Variants in RPS6KB1 observed in about 807,000 individuals in gnomAD.
RPS6KB1 encodes ribosomal protein S6 kinase B1, also known as ribosomal protein S6 kinase beta-1.
A neutral mutation model predicts 70.2 loss-of-function variants in RPS6KB1; 12 were observed. The observed-to-expected ratio is 0.17, with a 90% CI of 0.11 to 0.28. RPS6KB1 has a LOEUF of 0.28. RPS6KB1 is among the 10% of genes least tolerant of loss of function. RPS6KB1 has a pLI of 1.00. For synonymous variants in RPS6KB1, 175 were observed against 211.2 expected (o/e 0.83, Z 1.49); for missense variants, 270 against 646.6 (o/e 0.42, Z 6.32).
intron 1 of RPS6KB1, among the ~76,000 whole-genome samples, chr17:59,905,359 A>G (rs2042203999): frequency 1.3e-5 from 2 of 151,998 alleles, no homozygotes; most frequent in African/African-American, 2.4e-5. Context: ...AAGGTTTTAC[A>G]TTTTCAGTAA....
intron 10 of RPS6KB1, among the ~76,000 whole-genome samples, chr17:59,935,501 G>T (rs1007203412): frequency 1.5e-4 from 22 of 151,546 alleles, no homozygotes; most frequent in Admixed American, 7.9e-4. Flanking sequence ...TTGAGACAGG[G>T]TCTTGCCCTG....
intron 13 of RPS6KB1, among the ~76,000 whole-genome samples, chr17:59,943,713 CT>C (rs2044747907): frequency 6.6e-6 from 1 of 151,638 alleles, no homozygotes; most frequent in South Asian, 2.1e-4. Context: ...CCCATCTCTA[CT>C]AAAAATACAA....
At chr17:59,927,896 A>G (rs2043708686) in intron 5 of RPS6KB1, among the ~76,000 whole-genome samples, 1 of 151,098 alleles carries the variant, frequency 6.6e-6, no homozygotes, top group South Asian at 2.1e-4. Context: ...TCAGTGGCTC[A>G]TGCCTGTAAT....
chr17:59,922,765 C>G (rs1416258933), intron 4 of RPS6KB1, among the ~76,000 whole-genome samples: 1 of 150,622 alleles, frequency 6.6e-6, no homozygotes, highest in African/African-American at 2.4e-5. Flanking sequence ...AGGATGGTCT[C>G]GATCTCTTGA....
chr17:59,926,415 G>C lies in RPS6KB1; in HGVS notation c.382-20G>C, dbSNP rs1324061533. On this transcript the variant is annotated intron_variant, in intron 4 of 14. Transcript: ENST00000225577. The stretch of plus-strand genomic sequence containing the variant: ...AAATGTTCACTATTTTGTTCTTATA[G>C]ATGATCTCTTTTCCTTTAGGCAATG... 11 of 1,540,714 alleles carry C rather than the reference G, an allele frequency of 7.1e-6. No homozygotes were observed. The highest frequency in any genetic ancestry group is 9.8e-6 in the Non-Finnish European group (11 of 1,127,460).
chr17:59,939,854 A>G (rs553633138), intron 12 of RPS6KB1, among the ~76,000 whole-genome samples: 2 of 152,342 alleles, frequency 1.3e-5, no homozygotes, highest in South Asian at 4.1e-4. Context: ...ATTAAGTCAG[A>G]TATTCTAAAT....
chr17:59,942,109 T>C lies in RPS6KB1; in HGVS notation c.1227+1166T>C, dbSNP rs1027959357. Reference sequence around the variant, plus strand: ...TCCTGACCTCATGATCCGCCCGCCTTGGCCTCCCAAAGTGCTGGGATTACA... The same window carrying C: ...TCCTGACCTCATGATCCGCCCGCCTCGGCCTCCCAAAGTGCTGGGATTACA... On this transcript the variant is annotated intron_variant, in intron 13 of 14. Coordinates refer to ENST00000225577, the MANE Select transcript of RPS6KB1 (RefSeq NM_003161.4). Among the ~76,000 whole-genome samples the C allele has an allele frequency of 4.6e-5, 7 of 151,638 alleles. No individual in the cohort carries two copies. The East Asian group carries it at 5.9e-4, about 13-fold the overall frequency.
intron 1 of RPS6KB1, among the ~76,000 whole-genome samples, chr17:59,900,307 A>C (rs1441419847): frequency 6.6e-6 from 1 of 151,914 alleles, no homozygotes; most frequent in Non-Finnish European, 1.5e-5. Flanking sequence ...TTAATATCTT[A>C]ACTACTCTAA....
rs2045002065 is a variant in RPS6KB1 at position 59,947,594 on chromosome 17, A to G, written c.*806A>G. On this transcript the variant is annotated 3_prime_UTR_variant, in exon 15 of 15. Transcript: ENST00000225577. ...AATCATTTCTACTTGCAGTACTGCT[A>G]TGTGCTAAGCTTAACTGGAAGCCTT... 8.1e-6 allele frequency: 12 copies of G among 1,487,206 alleles called. No homozygotes were observed. The highest frequency in any genetic ancestry group is 2.4e-5 in the East Asian group (1 of 41,820). The allele number at this position is 1,487,206 out of a possible 1,614,324, so 92.1% of individuals were successfully genotyped here.
At chr17:59,941,925 C>G (rs1364070317) in intron 13 of RPS6KB1, among the ~76,000 whole-genome samples, 1 of 150,336 alleles carries the variant, frequency 6.7e-6, no homozygotes, top group Non-Finnish European at 1.5e-5. Context: ...GTGGCGCAAT[C>G]TCAGCTCACT....
At chr17:59,909,880 C>G (rs984247573) in intron 1 of RPS6KB1, among the ~76,000 whole-genome samples, 2 of 152,026 alleles carry the variant, frequency 1.3e-5, no homozygotes, top group Non-Finnish European at 1.5e-5. Context: ...GGCATGGTGG[C>G]AGGCACCTGT....
At position 59,926,461 on chromosome 17, in the gene RPS6KB1, T is replaced by G; in HGVS notation, c.408T>G (p.Asp136Glu). The G allele has an allele frequency of 6.2e-7, 1 of 1,610,364 alleles. No individual in the cohort carries two copies. The highest frequency in any genetic ancestry group is 8.5e-7 in the Non-Finnish European group (1 of 1,177,134). ...CAATGATAGTAAGAAATGCTAAAGA[T>G]ACAGCTCATACAAAAGCAGAACGGA... is the stretch of plus-strand genomic sequence containing the variant. ...KKAMIVRNAK[D>E]TAHTKAERNI... is the part of the protein sequence containing the mutation. Residue 136 changes from aspartate (D) to glutamate (E), a missense_variant, in exon 5 of 15, where the codon GAT (aspartate) becomes GAG (glutamate). Around this residue, in one of 4 missense-constraint regions of RPS6KB1, gnomAD observed 44 missense variants for 102.5 expected, o/e 0.43. Transcript: ENST00000225577.
chr17:59,895,299 T>A (rs1042643220), intron 1 of RPS6KB1, among the ~76,000 whole-genome samples: 1 of 147,402 alleles, frequency 6.8e-6, no homozygotes, highest in African/African-American at 2.5e-5. Context: ...GGATTACAGG[T>A]GTGAGCCACT....
At chr17:59,905,315 G>C (rs1370414108) in intron 1 of RPS6KB1, among the ~76,000 whole-genome samples, 1 of 152,006 alleles carries the variant, frequency 6.6e-6, no homozygotes, top group African/African-American at 2.4e-5. Context: ...GTCTCTTTGA[G>C]CTTTCTTGAT....
intron 1 of RPS6KB1, among the ~76,000 whole-genome samples, chr17:59,905,649 C>CA (rs2042221175): frequency 6.6e-6 from 1 of 151,630 alleles, no homozygotes; most frequent in Non-Finnish European, 1.5e-5. Context: ...GGATTACAGG[C>CA]TCCCGCCACA....
rs1035812798 is a variant in RPS6KB1, at chr17:59,949,050, T to G, written c.*2262T>G. 6.6e-6 allele frequency: 1 copy of G among 152,642 alleles called. No individual in the cohort carries two copies. Among genetic ancestry groups the G allele is most frequent in the African/African-American group, 2.4e-5 (1 of 41,466 alleles). 9.5% of individuals were successfully genotyped at this position (152,642 alleles called of 1,614,324 possible). A position where few individuals can be genotyped will look rare whatever the true frequency, so the allele number is the denominator to read the frequency against. ...TATAACCACCCCAGTTAAACCATTT[T>G]CATAATTAGTAGTGCCAGCAATAGT... On this transcript the variant is annotated 3_prime_UTR_variant, in exon 15 of 15. Transcript: ENST00000225577.
chr17:59,931,482 C>T, intron 6 of RPS6KB1, 140 bp from the exon 7 acceptor site: 2 of 643,252 alleles, frequency 3.1e-6, no homozygotes, highest in South Asian at 3.9e-5. Context: ...TATGCCATCT[C>T]TTTTTCCAAT....
At chr17:59,922,600 A>G (rs1478899461) in intron 4 of RPS6KB1, among the ~76,000 whole-genome samples, 2 of 119,514 alleles carry the variant, frequency 1.7e-5, no homozygotes, top group Admixed American at 2.4e-4. Context: ...GCTGGAGTGC[A>G]GTGGTGTGAT....
intron 1 of RPS6KB1, among the ~76,000 whole-genome samples, chr17:59,903,489 GA>G (rs2042083292): frequency 6.6e-6 from 1 of 151,782 alleles, no homozygotes; most frequent in Non-Finnish European, 1.5e-5. Context: ...AGAAAAAAAA[GA>G]AAAAAAAGTT....
Sources: allele counts gnomAD v4.1 joint callset (sites outside exome capture counted in the v4.1 genomes callset), GRCh38; gene constraint gnomAD v4.1.1; regional missense constraint gnomAD v4.1.1; transcripts MANE v1.5; gene names NCBI Gene and HGNC (gene_info 2026-07-23, HGNC 2026-07-21).